The following IFNAR2 variants were observed in gnomAD, a reference collection of about 807,000 sequenced individuals.
IFNAR2 encodes the protein interferon alpha/beta receptor 2.
Under a neutral mutation model 49.4 loss-of-function variants are expected in IFNAR2, and 30 were observed. The observed-to-expected ratio is 0.61, with a 90% CI of 0.45 to 0.82. The LOEUF is 0.82. Ranked by LOEUF, IFNAR2 falls within the 40% of genes least tolerant of loss-of-function variation. The pLI, the probability that IFNAR2 is intolerant of heterozygous loss-of-function variation, is 0.00. For missense variants in IFNAR2, 600 were observed against 622.7 expected (o/e 0.96, Z 0.39); for synonymous variants, 224 against 234.5 (o/e 0.96, Z 0.41).
intron 1 of IFNAR2, among the ~76,000 whole-genome samples, chr21:33,234,225 T>TGTGTGTGTGTGTG (rs1986279682): frequency 3.0e-5 from 2 of 66,356 alleles, no homozygotes; most frequent in African/African-American, 1.3e-4. Flanking sequence ...GTGTGTGTGT[T>TGTGTGTGTGTGTG]TATGCATAGA....
Position 33,262,946 on chromosome 21 carries a change from A to C in IFNAR2, c.994A>C (p.Thr332Pro). 1 of 1,614,226 alleles carries C rather than the reference A, an allele frequency of 6.2e-7. No individual in the cohort carries two copies. Residue 332 changes from threonine to proline, a missense_variant, in exon 9 of 9, where the codon ACA (threonine) becomes CCA (proline). Transcript: ENST00000342136. ...TAGCGATACTGAGGCAGCGCCCAGG[A>C]CAAGTGGCGGTGGCTATACCATGCA... ...SDSDTEAAPR[T>P]SGGGYTMHGL...
rs1988794579 is a variant in IFNAR2 at position 33,263,663 on chromosome 21, G to A, written c.*163G>A. 1 of 630,572 alleles carries A rather than the reference G, an allele frequency of 1.6e-6. No individual in the cohort carries two copies. Among genetic ancestry groups the A allele is most frequent in the Non-Finnish European group, 2.7e-6 (1 of 365,856 alleles). The allele number at this position is 630,572 out of a possible 1,614,324, so 39.1% of individuals were successfully genotyped here. On this transcript the variant is annotated 3_prime_UTR_variant, in exon 9 of 9. Coordinates refer to ENST00000342136, the MANE Select transcript of IFNAR2 (RefSeq NM_001289125.3). ...GTGACATCACCTATGCACATTCCCA[G>A]TATGGGGACCATAGTATCATTCAGT... is the stretch of plus-strand genomic sequence containing the variant.
rs57276350 is a variant in IFNAR2, at chr21:33,237,078, G to GGTGGGTGTGTGTGTGTGTGT, written c.-83-4759_-83-4758insGGTGTGTGTGTGTGTGTGTG. The stretch of plus-strand genomic sequence containing the variant: ...CCCCTGGCCCAGAGGGGGAGAATGG[G>GGTGGGTGTGTGTGTGTGTGT]GTGTGTGTGTGTGTGTGTGTGTGTG... On this transcript the variant is annotated intron_variant, in intron 1 of 8. Transcript: ENST00000342136. Among the ~76,000 whole-genome samples, 624 of 147,672 alleles carry GGTGGGTGTGTGTGTGTGTGT rather than the reference G, an allele frequency of 4.2e-3. 3 individuals are homozygous for GGTGGGTGTGTGTGTGTGTGT. Among genetic ancestry groups the GGTGGGTGTGTGTGTGTGTGT allele is most frequent in the East Asian group, 0.014 (68 of 4,966 alleles).
intron 6 of IFNAR2, among the ~76,000 whole-genome samples, chr21:33,249,790 G>A (rs1250893335): frequency 6.6e-6 from 1 of 152,204 alleles, no homozygotes; most frequent in East Asian, 1.9e-4. Flanking sequence ...GATAATCAGG[G>A]TAGATGCATT....
In IFNAR2 at chr21:33,265,222, G is replaced by A. The variant is rs540431148; in HGVS notation, c.*1722G>A. ...GAAAATGTACAAGAATGAACACTCAGGTGGAAATGCTGCAATCCTGAGAAG... is the reference window on the plus strand; with the variant it reads ...GAAAATGTACAAGAATGAACACTCAAGTGGAAATGCTGCAATCCTGAGAAG... On this transcript the variant is annotated 3_prime_UTR_variant, in exon 9 of 9. Transcript: ENST00000342136. 5 of 152,338 alleles carry A rather than the reference G, an allele frequency of 3.3e-5. No homozygotes were observed. Among genetic ancestry groups the A allele is most frequent in the African/African-American group, 1.2e-4 (5 of 41,556 alleles). 9.4% of individuals were successfully genotyped at this position (152,338 alleles called of 1,614,324 possible).
intron 1 of IFNAR2, among the ~76,000 whole-genome samples, chr21:33,237,605 A>G (rs1986578413): frequency 6.6e-6 from 1 of 152,200 alleles, no homozygotes; most frequent in African/African-American, 2.4e-5. Flanking sequence ...CAACTAGGCA[A>G]CGCCTCTGCT....
At chr21:33,243,146 G>A (rs189575875) in intron 2 of IFNAR2, among the ~76,000 whole-genome samples, 2 of 150,740 alleles carry the variant, frequency 1.3e-5, no homozygotes, top group Non-Finnish European at 3.0e-5. Flanking sequence ...TGCAGTGAGC[G>A]ATCTCACCTC....
intron 1 of IFNAR2, among the ~76,000 whole-genome samples, chr21:33,238,670 TG>T (rs1005279159): frequency 3.0e-5 from 4 of 135,102 alleles, no homozygotes; most frequent in Non-Finnish European, 6.6e-5. Context: ...GGTGTTTTTT[TG>T]GGGGGGTTGT....
At chr21:33,248,346 T>TA (rs1568886597) in intron 5 of IFNAR2, among the ~76,000 whole-genome samples, 1 of 103,686 alleles carries the variant, frequency 9.6e-6, no homozygotes, top group African/African-American at 3.8e-5. Context: ...ATGTCTACAT[T>TA]AAAAAAGAAA....
intron 7 of IFNAR2, among the ~76,000 whole-genome samples, chr21:33,257,978 C>G (rs899064544): frequency 6.6e-6 from 1 of 152,122 alleles, no homozygotes; most frequent in Admixed American, 6.5e-5. Flanking sequence ...ACAGGCTAAC[C>G]TCTATGCCAA....
intron 6 of IFNAR2, among the ~76,000 whole-genome samples, chr21:33,250,886 T>G (rs1364017579): frequency 6.6e-6 from 1 of 152,168 alleles, no homozygotes; most frequent in African/African-American, 2.4e-5. Context: ...AACTTCCCCA[T>G]TAACTATGGA....
chr21:33,247,152 G>A (rs1320745786), intron 5 of IFNAR2, among the ~76,000 whole-genome samples: 4 of 151,994 alleles, frequency 2.6e-5, no homozygotes, highest in African/African-American at 9.7e-5. Flanking sequence ...TGCTGTTTTC[G>A]GTTTTGCAGC....
chr21:33,253,223 G>A (rs1437889185), intron 7 of IFNAR2, among the ~76,000 whole-genome samples: 1 of 152,122 alleles, frequency 6.6e-6, no homozygotes, highest in Non-Finnish European at 1.5e-5. Flanking sequence ...AGCGAGGTTG[G>A]GTGCAGTTCA....
At chr21:33,233,196 C>T (rs927719465) in intron 1 of IFNAR2, among the ~76,000 whole-genome samples, 75 of 152,186 alleles carry the variant, frequency 4.9e-4, no homozygotes, top group Non-Finnish European at 1.5e-4. Context: ...AGAAGCAATA[C>T]TGCTGAAAAT....
At position 33,248,397 on chromosome 21, in the gene IFNAR2, G is replaced by GGA. The variant is rs1207127696; in HGVS notation, c.395-297_395-296dup. On this transcript the variant is annotated intron_variant, in intron 5 of 8. Transcript: ENST00000342136. ...AGTTAGGGGGGAGGGAGGGAGGGGG[G>GGA]GAGAGAGAGAGAGAGAAAGAGAAAA... 3.2e-5 allele frequency among the ~76,000 whole-genome samples: 3 copies of GGA among 92,558 alleles called. No homozygotes were observed. The East Asian group carries it at 1.2e-3, about 37-fold the overall frequency. 60.7% of individuals were successfully genotyped at this position (92,558 alleles called of 152,430 possible). A position where few individuals can be genotyped will look rare whatever the true frequency, so the allele number is the denominator to read the frequency against.
At position 33,235,129 on chromosome 21, in the gene IFNAR2, A is replaced by G. The variant is rs1322583284; in HGVS notation, c.-84+4913A>G. ...CATGCTAATATATTGTAATTAGCAT[A>G]TGATAAGCAGTGAGGACAGTTTTGT... On this transcript the variant is annotated intron_variant, in intron 1 of 8. Transcript: ENST00000342136. 2.6e-5 allele frequency among the ~76,000 whole-genome samples: 4 copies of G among 152,222 alleles called. No individual in the cohort carries two copies. The East Asian group carries it at 5.8e-4, about 22-fold the overall frequency.
At position 33,241,850 on chromosome 21, in the gene IFNAR2, C is replaced by T. The variant is rs757436161; in HGVS notation, c.-73C>T. On this transcript the variant is annotated 5_prime_UTR_variant, in exon 2 of 9. Transcript: ENST00000342136. The stretch of plus-strand genomic sequence containing the variant: ...TTTTTATATTTGCAGTTTAATTAGA[C>T]ACTTCAGAATTTTGATCACCTAATG... 50 of 1,594,662 alleles carry T rather than the reference C, an allele frequency of 3.1e-5. No homozygotes were observed. Among genetic ancestry groups the T allele is most frequent in the Middle Eastern group, 1.8e-4 (1 of 5,698 alleles).
Position 33,230,197 on chromosome 21 carries a change from G to T in IFNAR2, c.-103G>T. On this transcript the variant is annotated 5_prime_UTR_variant, in exon 1 of 9. Coordinates refer to ENST00000342136, the MANE Select transcript of IFNAR2 (RefSeq NM_001289125.3). This position sits in a 1 kb window ranked among gnomAD's most constrained non-coding sequence, Gnocchi z 5.5. Reference sequence around the variant, plus strand: ...CCGAGGCTAGCATCTCTCGGGAGCCGCAAGGCGAGAGCTGCAAAGGTAACG... The same window carrying T: ...CCGAGGCTAGCATCTCTCGGGAGCCTCAAGGCGAGAGCTGCAAAGGTAACG... 1 of 1,030,798 alleles carries T rather than the reference G, an allele frequency of 9.7e-7. No individual in the cohort carries two copies. The highest frequency in any genetic ancestry group is 1.2e-6 in the Non-Finnish European group (1 of 855,012). 63.9% of individuals were successfully genotyped at this position (1,030,798 alleles called of 1,614,324 possible). A position where few individuals can be genotyped will look rare whatever the true frequency, so the allele number is the denominator to read the frequency against.
Position 33,252,717 on chromosome 21 carries a change from A to G in IFNAR2, c.596A>G (p.Lys199Arg), listed in dbSNP as rs150933837. 8.1e-5 allele frequency: 131 copies of G among 1,613,692 alleles called. No individual in the cohort carries two copies. The highest frequency in any genetic ancestry group is 1.1e-4 in the Non-Finnish European group (129 of 1,179,756). ...MSGNFTYIID[K>R]LIPNTNYCVS... is the part of the protein sequence containing the mutation. ...GGAAATTTCACCTATATCATTGACA[A>G]GTTAATTCCAAACACGAACTACTGT... Residue 199 changes from lysine to arginine, a missense_variant, in exon 7 of 9, where the codon AAG becomes AGG. Lys to Arg is a conservative substitution (Grantham distance 26). Coordinates refer to ENST00000342136, the MANE Select transcript of IFNAR2 (RefSeq NM_001289125.3).
Sources: gnomAD v4.1 joint callset for allele counts (sites outside exome capture counted in the v4.1 genomes callset) on GRCh38, gnomAD v4.1.1 for gene constraint, Gnocchi (gnomAD v3.1) non-coding constraint, MANE v1.5 for transcripts, NCBI Gene and HGNC (gene_info 2026-07-23, HGNC 2026-07-21) for gene names.